Variants in GNG2 observed in about 807,000 individuals in gnomAD.
The protein encoded by GNG2 is guanine nucleotide-binding protein G(I)/G(S)/G(O) subunit gamma-2.
GNG2 carries 5 observed loss-of-function variants against 5.5 expected under a neutral mutation model. That is an observed-to-expected ratio of 0.91 (90% CI 0.48 to 1.92). The LOEUF is 1.92. Among genes scored for constraint, GNG2 ranks in the 30% most tolerant of loss-of-function variants. The pLI is 0.01. For missense variants in GNG2, 55 were observed against 88.4 expected, an observed-to-expected ratio of 0.62 and a Z score of 1.52; for synonymous variants, 28 against 32.0, an observed-to-expected ratio of 0.88 and a Z score of 0.42.
At position 51,968,108 on chromosome 14, in the gene GNG2, G is replaced by A. The variant is rs577407874; in HGVS notation, c.*1421G>A. ...TCCATCTTGTTTGTTAGAGTCTCTC[G>A]GCCTTTATTTACAAATTCCTTGCAA... On this transcript the variant is annotated 3_prime_UTR_variant, in exon 4 of 4. Coordinates refer to ENST00000556766, the MANE Select transcript of GNG2 (RefSeq NM_053064.5). 7 of 152,012 alleles carry A rather than the reference G, an allele frequency of 4.6e-5. No homozygotes were observed. Among genetic ancestry groups the A allele is most frequent in the African/African-American group, 9.7e-5 (4 of 41,438 alleles). The allele number at this position is 152,012 out of a possible 1,614,324, so 9.4% of individuals were successfully genotyped here. A position where few individuals can be genotyped will look rare whatever the true frequency, so the allele number is the denominator to read the frequency against.
intron 1 of GNG2, among the ~76,000 whole-genome samples, chr14:51,874,855 G>A (rs999405249): frequency 2.0e-5 from 3 of 151,986 alleles, no homozygotes; most frequent in African/African-American, 4.8e-5. Flanking sequence ...TATAGATTTC[G>A]TTTTTCCTCT....
chr14:51,946,856 G>A (rs1287072345), intron 2 of GNG2, among the ~76,000 whole-genome samples: 3 of 152,086 alleles, frequency 2.0e-5, no homozygotes, highest in Non-Finnish European at 4.4e-5. Context: ...TCTTTGGAAT[G>A]CTGGCCTAGT....
Position 51,840,686 on chromosome 14 carries a change from G to T in GNG2, c.64+12879G>T, listed in dbSNP as rs530934822. On this transcript the variant is annotated intron_variant, in intron 2 of 3. Coordinates refer to the GNG2 transcript ENST00000553432. ...CTCAGTGAATGGATAAAGAGAGAAA[G>T]AATGTACTTCTGTCAATCTGCCCAT... is the stretch of plus-strand genomic sequence containing the variant. Among the ~76,000 whole-genome samples the T allele has an allele frequency of 5.3e-5, 8 of 152,346 alleles. No homozygotes were observed. In the East Asian group the frequency reaches 5.8e-4, roughly 11 times the overall value.
At chr14:51,956,358 G>C (rs983832891) in intron 3 of GNG2, among the ~76,000 whole-genome samples, 1 of 152,082 alleles carries the variant, frequency 6.6e-6, no homozygotes, top group African/African-American at 2.4e-5. Context: ...ATTTGAAATG[G>C]GGCAGGGGCA....
intron 2 of GNG2, among the ~76,000 whole-genome samples, chr14:51,832,678 G>A (rs1037398598): frequency 1.3e-5 from 2 of 152,182 alleles, no homozygotes; most frequent in Non-Finnish European, 2.9e-5. Context: ...CCTTCTCCCT[G>A]TGTCCTCACA....
intron 2 of GNG2, among the ~76,000 whole-genome samples, chr14:51,850,263 A>G (rs1881843955): frequency 6.6e-6 from 1 of 152,184 alleles, no homozygotes; most frequent in East Asian, 1.9e-4. Flanking sequence ...TTCCTCTTAA[A>G]GTAAGTTGCC....
intron 2 of GNG2, among the ~76,000 whole-genome samples, chr14:51,834,991 C>A (rs919871593): frequency 3.3e-4 from 50 of 152,290 alleles, no homozygotes; most frequent in African/African-American, 1.1e-3. Context: ...TAAAAGTCAG[C>A]AGAGTCTTAA....
upstream of GNG2, among the ~76,000 whole-genome samples, chr14:51,856,035 T>A (rs530861480): frequency 2.4e-4 from 36 of 152,102 alleles, no homozygotes; most frequent in South Asian, 4.8e-3. Context: ...TAGCTGGGCA[T>A]GGTGGGTTGG....
exon 2 of GNG2, chr14:51,827,800 A>G: frequency 1.4e-6 from 1 of 690,266 alleles, no homozygotes. Flanking sequence ...GTGTACCTTC[A>G]GGCAAAGGTA....
chr14:51,900,240 T>G (rs980626380), intron 2 of GNG2, among the ~76,000 whole-genome samples: 12 of 152,182 alleles, frequency 7.9e-5, no homozygotes, highest in Non-Finnish European at 1.6e-4. Context: ...CATTTTTATT[T>G]GCATTTCCCT....
At chr14:51,864,772 G>C (rs1882760956) in intron 1 of GNG2, among the ~76,000 whole-genome samples, 1 of 152,124 alleles carries the variant, frequency 6.6e-6, no homozygotes, top group Non-Finnish European at 1.5e-5. Flanking sequence ...AGAAAGGGAG[G>C]GGAGAAACTA....
chr14:51,872,965 C>T (rs1208997773), intron 1 of GNG2, among the ~76,000 whole-genome samples: 1 of 152,128 alleles, frequency 6.6e-6, no homozygotes, highest in Admixed American at 6.5e-5. Flanking sequence ...CAGTTTATTT[C>T]ACCTGATTAT....
At chr14:51,876,305 G>A (rs1206977351) in intron 1 of GNG2, among the ~76,000 whole-genome samples, 1 of 151,998 alleles carries the variant, frequency 6.6e-6, no homozygotes, top group Non-Finnish European at 1.5e-5. Flanking sequence ...TACTTAATAG[G>A]TTGAATTATT....
chr14:51,898,865 G>A (rs942525289), intron 2 of GNG2, among the ~76,000 whole-genome samples: 1 of 152,082 alleles, frequency 6.6e-6, no homozygotes, highest in African/African-American at 2.4e-5. Flanking sequence ...AATACCATGA[G>A]GATTTGGTGG....
intron 2 of GNG2, among the ~76,000 whole-genome samples, chr14:51,936,732 A>T (rs1418696138): frequency 1.3e-5 from 2 of 151,712 alleles, no homozygotes; most frequent in African/African-American, 4.8e-5. Flanking sequence ...TTTTGTAGAG[A>T]CAGGTTGGTC....
At chr14:51,837,024 A>G (rs2140074217) in intron 2 of GNG2, among the ~76,000 whole-genome samples, 1 of 151,944 alleles carries the variant, frequency 6.6e-6, no homozygotes, top group Middle Eastern at 3.4e-3. Context: ...CACCTGGCTA[A>G]TTTTTGTAGT....
chr14:51,858,839 A>G (rs947201424), upstream of GNG2, among the ~76,000 whole-genome samples: 5 of 152,142 alleles, frequency 3.3e-5, no homozygotes, highest in East Asian at 9.6e-4. Context: ...CTCATTTTCA[A>G]TCTTAAATCA....
chr14:51,862,374 A>G (rs1483865204), intron 1 of GNG2, among the ~76,000 whole-genome samples: 1 of 152,190 alleles, frequency 6.6e-6, no homozygotes, highest in African/African-American at 2.4e-5. Context: ...TCCACTTCCT[A>G]TTTGCATCTT....
At chr14:51,936,136 C>A (rs1566698641) in intron 2 of GNG2, among the ~76,000 whole-genome samples, 1 of 152,098 alleles carries the variant, frequency 6.6e-6, no homozygotes, top group Non-Finnish European at 1.5e-5. Context: ...GGGCTCCATG[C>A]TTTGGGAGGA....
Sources: gnomAD v4.1 joint callset for allele counts (sites outside exome capture counted in the v4.1 genomes callset) on GRCh38, gnomAD v4.1.1 for gene constraint, MANE v1.5 for transcripts, NCBI Gene and HGNC (gene_info 2026-07-23, HGNC 2026-07-21) for gene names.